MMP20: variants seen among roughly 807,000 people sequenced by gnomAD.
MMP20 encodes matrix metalloproteinase-20.
Under a neutral mutation model 51.8 loss-of-function variants are expected in MMP20, and 50 were observed. The observed-to-expected ratio is 0.97, with a 90% CI of 0.77 to 1.22. The LOEUF is 1.22. Among genes scored for constraint, MMP20 ranks in the 50% most tolerant of loss-of-function variants. MMP20 has a pLI of 0.00. For synonymous variants in MMP20, 244 were observed against 216.2 expected (o/e 1.13, Z -1.13); for missense variants, 663 against 601.4 (o/e 1.10, Z -1.07).
rs537663295 is a variant in MMP20 at position 102,593,515 on chromosome 11, C to T, written c.1171G>A (p.Val391Met). 1.7e-5 allele frequency: 27 copies of T among 1,614,060 alleles called. No homozygotes were observed. Among genetic ancestry groups the T allele is most frequent in the East Asian group, 6.7e-5 (3 of 44,890 alleles). ...TIYDFGFPRH[V>M]QQIDAAVYLR... Reference sequence around the variant, plus strand: ...TAGACAGCAGCATCTATTTGCTGCACGTGCCTTGGAAATCCAAAGTCATAA... The same window carrying T: ...TAGACAGCAGCATCTATTTGCTGCATGTGCCTTGGAAATCCAAAGTCATAA... Residue 391 changes from valine to methionine, a missense_variant, in exon 8 of 10, where the codon GTG becomes ATG. Transcript: ENST00000260228.
intron 1 of MMP20, among the ~76,000 whole-genome samples, chr11:102,624,870 T>C (rs1253272218): frequency 1.3e-5 from 2 of 152,220 alleles, no homozygotes; most frequent in African/African-American, 2.4e-5. Flanking sequence ...TCTGCTTCTA[T>C]TTTTCCTCCT....
At chr11:102,589,069 C>T (rs1859284759) in intron 8 of MMP20, among the ~76,000 whole-genome samples, 1 of 152,206 alleles carries the variant, frequency 6.6e-6, no homozygotes, top group Non-Finnish European at 1.5e-5. Context: ...AGAATAAACA[C>T]TGATCTCCCT....
intron 1 of MMP20, among the ~76,000 whole-genome samples, chr11:102,619,454 A>C (rs145036021): frequency 6.6e-6 from 1 of 152,248 alleles, no homozygotes; most frequent in African/African-American, 2.4e-5. Context: ...GTTTATAAAC[A>C]TAAGTGGTAT....
chr11:102,618,060 A>G (rs1214004518), intron 1 of MMP20, among the ~76,000 whole-genome samples: 1 of 152,206 alleles, frequency 6.6e-6, no homozygotes, highest in East Asian at 1.9e-4. Flanking sequence ...TGTATGCTTT[A>G]AATCATCTCT....
chr11:102,593,722 A>G, intron 7 of MMP20, 127 bp from the exon 8 acceptor site: 2 of 992,450 alleles, frequency 2.0e-6, no homozygotes, highest in Non-Finnish European at 3.1e-6. Flanking sequence ...CTATAACCCA[A>G]CAAGAGATAT....
chr11:102,620,707 C>T (rs1859739462), intron 1 of MMP20, among the ~76,000 whole-genome samples: 1 of 152,190 alleles, frequency 6.6e-6, no homozygotes, highest in Admixed American at 6.5e-5. Context: ...TTTAAGTACG[C>T]TCCAGGACAG....
At chr11:102,583,314 A>G (rs1859217266) in intron 8 of MMP20, 1 of 152,120 alleles carries the variant, frequency 6.6e-6, no homozygotes, top group African/African-American at 2.4e-5. Context: ...CTCTTATTTA[A>G]ACAATTCAGT....
Position 102,611,814 on chromosome 11 carries a change from A to G in MMP20, c.464T>C (p.Leu155Pro), listed in dbSNP as rs139116285. ...TCCTGAGTTTATTCTGACAAAGCTC[A>G]GAGGGACGGCGCTACTCCAGGCCTG... The part of the protein sequence containing the change: ...ALQAWSSAVP[L>P]SFVRINSGEA... The change falls in exon 3 of 10, where the codon CTG (leucine) becomes CCG (proline). Residue 155 changes from leucine (L) to proline (P), a missense_variant. Transcript: ENST00000260228. The G allele has an allele frequency of 1.2e-6, 2 of 1,614,148 alleles. No individual in the cohort carries two copies. The highest frequency in any genetic ancestry group is 1.3e-5 in the African/African-American group (1 of 74,958).
At chr11:102,587,363 C>T (rs1259344101) in intron 8 of MMP20, among the ~76,000 whole-genome samples, 1 of 152,072 alleles carries the variant, frequency 6.6e-6, no homozygotes. Flanking sequence ...TGTGTGGTGG[C>T]CTAACATATA....
At chr11:102,600,237 C>T (rs182655313) in intron 6 of MMP20, among the ~76,000 whole-genome samples, 2 of 152,306 alleles carry the variant, frequency 1.3e-5, no homozygotes, top group East Asian at 1.9e-4. Context: ...AAGCCCATGG[C>T]ATCCTGGGAA....
At chr11:102,597,284 GT>G (rs1229252097) in intron 6 of MMP20, among the ~76,000 whole-genome samples, 1 of 152,210 alleles carries the variant, frequency 6.6e-6, no homozygotes, top group Non-Finnish European at 1.5e-5. Context: ...TTTAGTTGAA[GT>G]TTTGGGACAG....
At chr11:102,600,654 T>C (rs1489809976) in intron 6 of MMP20, among the ~76,000 whole-genome samples, 1 of 152,070 alleles carries the variant, frequency 6.6e-6, no homozygotes. Flanking sequence ...TGGCTAATTT[T>C]TTTTGTATTT....
intron 8 of MMP20, among the ~76,000 whole-genome samples, chr11:102,582,818 G>T (rs545607094): frequency 3.7e-4 from 57 of 152,264 alleles, no homozygotes; most frequent in African/African-American, 1.3e-3. Flanking sequence ...TATTAAATGA[G>T]TATCAAAAGA....
intron 8 of MMP20, among the ~76,000 whole-genome samples, chr11:102,582,139 T>C (rs1859203883): frequency 6.6e-6 from 1 of 152,220 alleles, no homozygotes; most frequent in Non-Finnish European, 1.5e-5. Context: ...CTCTCCACAT[T>C]TGTATTCTAA....
At chr11:102,602,852 A>G (rs1442132790) in intron 6 of MMP20, among the ~76,000 whole-genome samples, 1 of 152,236 alleles carries the variant, frequency 6.6e-6, no homozygotes, top group Non-Finnish European at 1.5e-5. Flanking sequence ...AATATGATAG[A>G]TGCAAATATA....
At chr11:102,608,450 A>T (rs947569164) in intron 5 of MMP20, among the ~76,000 whole-genome samples, 3 of 152,194 alleles carry the variant, frequency 2.0e-5, no homozygotes, top group Non-Finnish European at 2.9e-5. Flanking sequence ...AATGAGGAAA[A>T]CACTTCACAC....
At chr11:102,619,240 G>T (rs1192585756) in intron 1 of MMP20, among the ~76,000 whole-genome samples, 1 of 152,044 alleles carries the variant, frequency 6.6e-6, no homozygotes, top group East Asian at 1.9e-4. Context: ...ACTCCTCAGG[G>T]TTAAGCTCCA....
chr11:102,609,689 T>A (rs1451184204), intron 4 of MMP20, among the ~76,000 whole-genome samples: 5 of 152,222 alleles, frequency 3.3e-5, no homozygotes, highest in African/African-American at 9.7e-5. Flanking sequence ...GTTCTTCAGA[T>A]GATATGCTAT....
At chr11:102,580,025 A>G (rs1859175328) in intron 8 of MMP20, among the ~76,000 whole-genome samples, 1 of 152,256 alleles carries the variant, frequency 6.6e-6, no homozygotes. Flanking sequence ...AGTAAATAAG[A>G]AGCAAGTAAA....
Sources: gnomAD v4.1 joint callset for allele counts (sites outside exome capture counted in the v4.1 genomes callset) on GRCh38, gnomAD v4.1.1 for gene constraint, MANE v1.5 for transcripts, NCBI Gene and HGNC (gene_info 2026-07-23, HGNC 2026-07-21) for gene names.